The following HYLS1 variants were observed in gnomAD, a reference collection of about 807,000 sequenced individuals.
HYLS1 encodes centriolar and ciliogenesis-associated protein HYLS1.
In HYLS1, 25 loss-of-function variants were observed where a neutral mutation model predicts 29.4. The ratio of observed to expected loss-of-function variants is 0.85; its 90% CI spans 0.62 to 1.19. The LOEUF (loss-of-function observed/expected upper bound fraction) is 1.19, where lower values mean the gene tolerates loss of function less well. Ranked by LOEUF, HYLS1 falls within the 50% of genes most tolerant of loss-of-function variation. The pLI, the probability that HYLS1 is intolerant of heterozygous loss-of-function variation, is 0.00. For synonymous variants in HYLS1, 128 were observed against 126.7 expected, an observed-to-expected ratio of 1.01 and a Z score of -0.07; for missense variants, 352 against 365.1, an observed-to-expected ratio of 0.96 and a Z score of 0.29.
rs775451336 is a variant in HYLS1 at position 125,900,003 on chromosome 11, G to A, written c.635G>A (p.Arg212Gln). The A allele has an allele frequency of 7.4e-6, 12 of 1,614,070 alleles. No individual in the cohort carries two copies. The highest frequency in any genetic ancestry group is 4.0e-5 in the African/African-American group (3 of 74,930). ...QLSRNRGKTD[R>Q]VARYFEYKRD... The stretch of plus-strand genomic sequence containing the variant: ...AGCCGAAACCGGGGCAAGACAGACC[G>A]GGTAGCCCGGTATTTTGAGTACAAA... The change falls in exon 3 of 3, where the codon CGG (arginine) becomes CAG (glutamine). Residue 212 changes from arginine to glutamine, a missense_variant. Transcript: ENST00000425380.
intron 1 of HYLS1, among the ~76,000 whole-genome samples, chr11:125,891,043 C>G (rs571095974): frequency 2.1e-3 from 327 of 152,262 alleles, no homozygotes; most frequent in Non-Finnish European, 3.7e-3. Flanking sequence ...AATTTCACAA[C>G]CTAAATAGTT....
chr11:125,894,363 G>T, intron 2 of HYLS1: 1 of 1,247,366 alleles, frequency 8.0e-7, no homozygotes, highest in Non-Finnish European at 1.1e-6. Flanking sequence ...AGGGTTAGTT[G>T]CGTTAAGGGA....
intron 2 of HYLS1, among the ~76,000 whole-genome samples, chr11:125,897,596 CTTATAAAAATT>C (rs1944627010): frequency 6.6e-6 from 1 of 150,578 alleles, no homozygotes; most frequent in Admixed American, 6.6e-5. Context: ...AAGAAAAAAG[CTTATAAAAATT>C]TTTTAAAAAA....
In HYLS1 at chr11:125,894,007, C is replaced by T. The variant is rs117319789; in HGVS notation, c.-26+2535C>T. On this transcript the variant is annotated intron_variant, in intron 2 of 2. Coordinates refer to ENST00000425380, the MANE Select transcript of HYLS1 (RefSeq NM_001134793.2). ...GGTCCATGAGGGGCTTATATGTGCG[C>T]ATCTTCACTCCTTCTACAAAGGCAC... The T allele has an allele frequency of 1.8e-4, 285 of 1,614,182 alleles. 3 individuals are homozygous for T. The East Asian group carries it at 5.7e-3, about 32-fold the overall frequency.
chr11:125,895,588 T>C lies in HYLS1; in HGVS notation c.-25-3756T>C, dbSNP rs1359308082. ...GCACGAGGGAAAAAATAGCGGTAAGTCCGCTCAAGGCAGCTGAACCTAGCA... is the reference window on the plus strand; with the variant it reads ...GCACGAGGGAAAAAATAGCGGTAAGCCCGCTCAAGGCAGCTGAACCTAGCA... On this transcript the variant is annotated intron_variant, in intron 2 of 2. Transcript: ENST00000425380. The C allele has an allele frequency of 4.3e-6, 7 of 1,614,204 alleles. 1 individual carries two copies. The South Asian group carries it at 5.5e-5, about 13-fold the overall frequency.
chr11:125,894,200 T>G, intron 2 of HYLS1: 4 of 1,614,094 alleles, frequency 2.5e-6, no homozygotes, highest in Non-Finnish European at 3.4e-6. Context: ...GTGGGTAATA[T>G]TGAACTCCTG....
chr11:125,896,177 C>T (rs1374923796), intron 2 of HYLS1: 2 of 1,614,020 alleles, frequency 1.2e-6, no homozygotes, highest in Admixed American at 3.3e-5. Context: ...TTGAGTCCTC[C>T]TTATTTTTGG....
intron 2 of HYLS1, chr11:125,895,608 C>T: frequency 1.2e-6 from 2 of 1,614,230 alleles, no homozygotes; most frequent in Non-Finnish European, 1.7e-6. Context: ...GCAGCTGAAC[C>T]TAGCACTGAA....
chr11:125,889,185 A>G (rs1250168104), intron 1 of HYLS1, among the ~76,000 whole-genome samples: 6 of 152,216 alleles, frequency 3.9e-5, no homozygotes. Context: ...TTTCTCTGTC[A>G]GTGTCGATAC....
At chr11:125,890,185 A>G (rs577183794) in intron 1 of HYLS1, among the ~76,000 whole-genome samples, 60 of 152,038 alleles carry the variant, frequency 3.9e-4, no homozygotes, top group Admixed American at 9.2e-4. Context: ...GCCTCAAGCG[A>G]TCCTCCCACC....
In HYLS1 at chr11:125,900,003, G is replaced by C. The variant is rs775451336; in HGVS notation, c.635G>C (p.Arg212Pro). The C allele has an allele frequency of 3.1e-6, 5 of 1,614,070 alleles. No individual in the cohort carries two copies. In the Admixed American group the frequency reaches 8.3e-5, roughly 27 times the overall value. Reference sequence around the variant, plus strand: ...AGCCGAAACCGGGGCAAGACAGACCGGGTAGCCCGGTATTTTGAGTACAAA... The same window carrying C: ...AGCCGAAACCGGGGCAAGACAGACCCGGTAGCCCGGTATTTTGAGTACAAA... ...QLSRNRGKTD[R>P]VARYFEYKRD... is the part of the protein sequence containing the mutation. The change falls in exon 3 of 3, where the codon CGG becomes CCG. Residue 212 changes from arginine (R) to proline (P), a missense_variant. Arg to Pro is a moderately radical substitution (Grantham distance 103). Coordinates refer to ENST00000425380, the MANE Select transcript of HYLS1 (RefSeq NM_001134793.2).
chr11:125,895,919 A>G (rs1944570262), intron 2 of HYLS1: 1 of 1,612,806 alleles, frequency 6.2e-7, no homozygotes, highest in Admixed American at 1.7e-5. Context: ...GTCCAAAGGC[A>G]CTAACTCCTT....
intron 2 of HYLS1, chr11:125,895,537 A>G (rs1251498903): frequency 6.2e-7 from 1 of 1,614,206 alleles, no homozygotes; most frequent in South Asian, 1.1e-5. Flanking sequence ...TGAGCTGCAT[A>G]ATCCATGGTT....
upstream of HYLS1, among the ~76,000 whole-genome samples, chr11:125,886,332 A>C (rs1424089096): frequency 3.3e-5 from 5 of 152,188 alleles, no homozygotes; most frequent in Non-Finnish European, 7.3e-5. Flanking sequence ...GTAAGAGATA[A>C]TACGAAGTGT....
rs1349187737 is a variant in HYLS1, at chr11:125,900,082, C to A, written c.714C>A (p.Arg238=). 3 of 1,614,202 alleles carry A rather than the reference C, an allele frequency of 1.9e-6. No individual in the cohort carries two copies. The highest frequency in any genetic ancestry group is 2.5e-6 in the Non-Finnish European group (3 of 1,180,038). The change falls in exon 3 of 3, where the codon CGC becomes CGA. Residue 238 remains arginine (R), a synonymous_variant. Transcript: ENST00000425380. ...GTGAAGATCATAGAAAGGAATTACG[C>A]TGGGGTGTCCGAGAGCAGATGCTTT... ...LPGEDHRKEL[R]WGVREQMLCR... is the part of the protein sequence containing the mutation.
chr11:125,895,205 TTTTTTA>T, intron 2 of HYLS1: 1 of 1,536,124 alleles, frequency 6.5e-7, no homozygotes, highest in Non-Finnish European at 8.7e-7. Flanking sequence ...GTGCCATTTA[TTTTTTA>T]TTTTTAACTC....
chr11:125,894,376 C>T lies in HYLS1; in HGVS notation c.-26+2904C>T, dbSNP rs3740902. 1.2e-3 allele frequency: 1,260 copies of T among 1,024,146 alleles called. 17 individuals are homozygous for T. In the East Asian group the frequency reaches 0.024, roughly 20 times the overall value. The allele number at this position is 1,024,146 out of a possible 1,614,324, so 63.4% of individuals were successfully genotyped here. ...TAAGGGTTAGTTGCGTTAAGGGAGC[C>T]GGGTAGGGCGCCACCATTGATGTTA... On this transcript the variant is annotated intron_variant, in intron 2 of 2. Coordinates refer to ENST00000425380, the MANE Select transcript of HYLS1 (RefSeq NM_001134793.2).
chr11:125,890,113 C>CT (rs757739689), intron 1 of HYLS1, among the ~76,000 whole-genome samples: 33 of 151,028 alleles, frequency 2.2e-4, no homozygotes, highest in East Asian at 2.1e-3. Context: ...AATCTTTTTT[C>CT]TTTTTTTTTG....
At chr11:125,898,776 T>A (rs1591505985) in intron 2 of HYLS1, among the ~76,000 whole-genome samples, 1 of 152,086 alleles carries the variant, frequency 6.6e-6, no homozygotes, top group African/African-American at 2.4e-5. Context: ...TTTTTTTTTT[T>A]TAGATCAAAT....
Sources: allele counts gnomAD v4.1 joint callset (sites outside exome capture counted in the v4.1 genomes callset), GRCh38; gene constraint gnomAD v4.1.1; transcripts MANE v1.5; gene names NCBI Gene and HGNC (gene_info 2026-07-23, HGNC 2026-07-21).